UBAP2: variants seen among roughly 807,000 people sequenced by gnomAD.
UBAP2 encodes the protein ubiquitin associated protein 2.
UBAP2 carries 75 observed loss-of-function variants against 139.6 expected under a neutral mutation model. The ratio of observed to expected loss-of-function variants is 0.54; its 90% confidence interval spans 0.45 to 0.65. The LOEUF is 0.65. UBAP2 is among the 30% of genes least tolerant of loss of function. The pLI is 0.00. For synonymous variants in UBAP2, 526 were observed against 526.2 expected, an observed-to-expected ratio of 1.00 and a Z score of 0.01; for missense variants, 1,368 against 1,369.6, an observed-to-expected ratio of 1.00 and a Z score of 0.02.
chr9:33,993,625 C>G (rs1335317406), intron 4 of UBAP2, among the ~76,000 whole-genome samples: 1 of 152,200 alleles, frequency 6.6e-6, no homozygotes, highest in African/African-American at 2.4e-5. Context: ...GTGATGGCAC[C>G]ACTGCACTCT....
intron 13 of UBAP2, 137 bp downstream of exon 13, chr9:33,948,237 A>T: frequency 1.5e-6 from 1 of 676,150 alleles, no homozygotes; most frequent in Non-Finnish European, 2.3e-6. Flanking sequence ...AGACTGATTT[A>T]ACTGAGAAAC....
chr9:33,973,126 T>A, intron 7 of UBAP2, 57 bp downstream of exon 7: 1 of 1,522,556 alleles, frequency 6.6e-7, no homozygotes. Context: ...TAGAAGCAAC[T>A]GCAGAATAAA....
chr9:33,980,643 C>G (rs1441465398), intron 6 of UBAP2, among the ~76,000 whole-genome samples: 1 of 152,008 alleles, frequency 6.6e-6, no homozygotes, highest in Non-Finnish European at 1.5e-5. Flanking sequence ...CTGCATAAAG[C>G]ACATTCAAAA....
chr9:33,927,997 C>T lies in UBAP2; in HGVS notation c.2176-5G>A. ...GGCGCTCTCCACACTGGCATGCTGG[C>T]AAAAGAAAAGCCAGGACACATGGAT... is the stretch of plus-strand genomic sequence containing the variant. On this transcript the variant is annotated splice_polypyrimidine_tract_variant and splice_region_variant and intron_variant, in intron 19 of 28. Coordinates refer to ENST00000379238, the MANE Select transcript of UBAP2 (RefSeq NM_001370062.2). The T allele has an allele frequency of 6.2e-7, 1 of 1,607,668 alleles. No individual in the cohort carries two copies.
intron 6 of UBAP2, among the ~76,000 whole-genome samples, chr9:33,973,877 A>G (rs1028751749): frequency 5.3e-5 from 8 of 152,208 alleles, no homozygotes; most frequent in Admixed American, 4.6e-4. Flanking sequence ...CAGGCAAAAA[A>G]AGAAAAAATA....
chr9:33,957,070 C>T (rs982418703), intron 10 of UBAP2, among the ~76,000 whole-genome samples: 1 of 146,554 alleles, frequency 6.8e-6, no homozygotes, highest in East Asian at 2.0e-4. Flanking sequence ...GCCTAGGGGA[C>T]AAAGTGAGAT....
intron 1 of UBAP2, among the ~76,000 whole-genome samples, chr9:34,028,528 C>T (rs1825614643): frequency 6.6e-6 from 1 of 151,964 alleles, no homozygotes; most frequent in Non-Finnish European, 1.5e-5. Flanking sequence ...TACAGGCACC[C>T]GCCACCACGC....
chr9:33,982,098 T>G (rs1164501997), intron 6 of UBAP2, among the ~76,000 whole-genome samples: 2 of 152,104 alleles, frequency 1.3e-5, no homozygotes, highest in Non-Finnish European at 1.5e-5. Context: ...TTGCAGTTGC[T>G]TTTTACAACT....
At position 33,944,513 on chromosome 9, in the gene UBAP2, C is replaced by T. The variant is rs751374209; in HGVS notation, c.1397G>A (p.Arg466Gln). ...GGGACTGTCTCCAGGTGTTGATTCT[C>T]GAAGTTTTGCCTGGGAAGGAAAGGA... ...LESFPSQAKL[R>Q]ESTPGDSPST... The change falls in exon 14 of 29, where the codon CGA (arginine) becomes CAA (glutamine). Residue 466 changes from arginine to glutamine, a missense_variant. By Grantham distance (43) the Arg-to-Gln change is conservative. Coordinates refer to ENST00000379238, the MANE Select transcript of UBAP2 (RefSeq NM_001370062.2). 3.1e-6 allele frequency: 5 copies of T among 1,614,014 alleles called. No individual in the cohort carries two copies. Among genetic ancestry groups the T allele is most frequent in the African/African-American group, 2.7e-5 (2 of 74,978 alleles).
intron 6 of UBAP2, among the ~76,000 whole-genome samples, chr9:33,985,731 T>C (rs1478985210): frequency 6.6e-6 from 1 of 151,652 alleles, no homozygotes; most frequent in Non-Finnish European, 1.5e-5. Flanking sequence ...AGAGAAGGAA[T>C]AAATTCTAGG....
chr9:33,933,802 A>C (rs1034695508), intron 17 of UBAP2, among the ~76,000 whole-genome samples, 174 bp from the exon 18 acceptor site: 2 of 152,212 alleles, frequency 1.3e-5, no homozygotes, highest in Non-Finnish European at 2.9e-5. Context: ...TTTGTCTGTC[A>C]AACAACACTA....
intron 1 of UBAP2, among the ~76,000 whole-genome samples, chr9:34,017,460 A>AAG (rs543742863): frequency 1.8e-4 from 27 of 152,336 alleles, no homozygotes; most frequent in African/African-American, 6.3e-4. Flanking sequence ...CACTACATGT[A>AAG]GTCACTGTAC....
intron 4 of UBAP2, among the ~76,000 whole-genome samples, chr9:33,990,862 C>T (rs550771494): frequency 6.6e-6 from 1 of 152,146 alleles, no homozygotes; most frequent in African/African-American, 2.4e-5. Flanking sequence ...CTCTCGAACT[C>T]CTGACCTCAG....
Position 33,941,641 on chromosome 9 carries a change from C to T in UBAP2, c.1929+8G>A, listed in dbSNP as rs755325223. On this transcript the variant is annotated splice_region_variant and intron_variant, in intron 16 of 28. Transcript: ENST00000379238. ...ATCTTCTGAGAAAAAAACTAAAATA[C>T]CACTTACCATGATGGTTCCTGGAGC... 3 of 1,612,564 alleles carry T rather than the reference C, an allele frequency of 1.9e-6. No homozygotes were observed. The highest frequency in any genetic ancestry group is 1.3e-5 in the African/African-American group (1 of 74,900).
chr9:34,018,227 C>A (rs1391356589), intron 1 of UBAP2, among the ~76,000 whole-genome samples: 3 of 69,152 alleles, frequency 4.3e-5, no homozygotes, highest in African/African-American at 7.4e-5. Flanking sequence ...ATAGCGATTA[C>A]AATTTTTTTT....
intron 1 of UBAP2, among the ~76,000 whole-genome samples, chr9:34,037,179 G>C (rs946976208): frequency 6.6e-6 from 1 of 151,920 alleles, no homozygotes; most frequent in South Asian, 2.1e-4. Flanking sequence ...TAATAGAGAC[G>C]GGGTTTCACC....
At chr9:33,979,303 A>G (rs1386003469) in intron 6 of UBAP2, among the ~76,000 whole-genome samples, 1 of 152,238 alleles carries the variant, frequency 6.6e-6, no homozygotes, top group Admixed American at 6.5e-5. Flanking sequence ...AAAATAATAC[A>G]TATAAGCTGA....
At chr9:33,931,748 C>G (rs1824001458) in intron 19 of UBAP2, among the ~76,000 whole-genome samples, 1 of 152,214 alleles carries the variant, frequency 6.6e-6, no homozygotes, top group South Asian at 2.1e-4. Flanking sequence ...GAGCTGCTGT[C>G]TTCTTCAGAG....
chr9:33,935,790 T>C (rs1002134245), intron 17 of UBAP2, 49 bp downstream of exon 17: 1 of 1,609,408 alleles, frequency 6.2e-7, no homozygotes, highest in Non-Finnish European at 8.5e-7. Flanking sequence ...CCTCTTCCTC[T>C]GTTTGGTTGG....
Sources: gnomAD v4.1 joint callset for allele counts (sites outside exome capture counted in the v4.1 genomes callset) on GRCh38, gnomAD v4.1.1 for gene constraint, MANE v1.5 for transcripts, NCBI Gene and HGNC (gene_info 2026-07-23, HGNC 2026-07-21) for gene names.